Variants in FSD1L observed in about 807,000 individuals in gnomAD.
The protein encoded by FSD1L is FSD1-like protein.
A neutral mutation model predicts 71.6 loss-of-function variants in FSD1L; 45 were observed. The observed-to-expected ratio is 0.63, with a 90% CI of 0.49 to 0.81. The LOEUF (loss-of-function observed/expected upper bound fraction) is 0.81, where lower values mean the gene tolerates loss of function less well. Among genes scored for constraint, FSD1L ranks in the 30% least tolerant of loss-of-function variants. The probability of loss-of-function intolerance (pLI) is 0.00; values close to 1 mark genes in which losing one functional copy is unlikely to be tolerated. For synonymous variants in FSD1L, 197 were observed against 207.2 expected, an observed-to-expected ratio of 0.95 and a Z score of 0.42; for missense variants, 561 against 618.1, an observed-to-expected ratio of 0.91 and a Z score of 0.98.
At chr9:105,444,370 G>T (rs188677786), upstream of FSD1L, among the ~76,000 whole-genome samples, 1 of 152,258 alleles carries the variant, frequency 6.6e-6, no homozygotes, top group Non-Finnish European at 1.5e-5. Context: ...CTCACTGAAG[G>T]CTACGTTGCT....
chr9:105,537,905 G>A (rs16924704), intron 12 of FSD1L, among the ~76,000 whole-genome samples: 4,028 of 152,234 alleles, frequency 0.026, 170 homozygotes, highest in African/African-American at 0.091. Context: ...AATTAAGAAT[G>A]GATTTGACAG....
chr9:105,505,295 C>G (rs985871203), intron 7 of FSD1L, among the ~76,000 whole-genome samples: 2 of 152,202 alleles, frequency 1.3e-5, no homozygotes, highest in African/African-American at 4.8e-5. Context: ...GAGTCTCGCT[C>G]TGTTGCCCAG....
intron 7 of FSD1L, among the ~76,000 whole-genome samples, chr9:105,486,947 G>A (rs548986701): frequency 6.6e-6 from 1 of 152,180 alleles, no homozygotes; most frequent in Non-Finnish European, 1.5e-5. Context: ...TCATCATATA[G>A]ACAGAATCAT....
chr9:105,476,639 T>A (rs930472204), intron 5 of FSD1L, among the ~76,000 whole-genome samples: 1 of 152,200 alleles, frequency 6.6e-6, no homozygotes, highest in Non-Finnish European at 1.5e-5. Context: ...ACTCTTTAGA[T>A]CTTCTATTGA....
At chr9:105,542,664 C>G (rs1417817726) in intron 13 of FSD1L, among the ~76,000 whole-genome samples, 1 of 152,164 alleles carries the variant, frequency 6.6e-6, no homozygotes, top group African/African-American at 2.4e-5. Context: ...CTATATTGCC[C>G]AGGCTGGTCT....
Position 105,484,392 on chromosome 9 carries a change from C to A in FSD1L, c.476C>A (p.Ala159Asp). The change falls in exon 7 of 14, where the codon GCT becomes GAT. Residue 159 changes from alanine to aspartate, a missense_variant. This residue lies in a region of FSD1L where 410 missense variants were observed against 413.5 expected (regional missense o/e 0.99). Transcript: ENST00000481272. The stretch of plus-strand genomic sequence containing the variant: ...TGTGTTTACCGTAGAGTCACAATGG[C>A]TTCAGCCTTTCGCCTTTCTTTGAAA... ...ARQIKDRVTM[A>D]SAFRLSLKPK... 2 of 1,521,258 alleles carry A rather than the reference C, an allele frequency of 1.3e-6. No individual in the cohort carries two copies. The highest frequency in any genetic ancestry group is 1.3e-5 in the South Asian group (1 of 77,100). The allele number at this position is 1,521,258 out of a possible 1,614,324, so 94.2% of individuals were successfully genotyped here. A position where few individuals can be genotyped will look rare whatever the true frequency, so the allele number is the denominator to read the frequency against.
At chr9:105,498,326 A>G (rs1393835960) in intron 7 of FSD1L, among the ~76,000 whole-genome samples, 2 of 151,834 alleles carry the variant, frequency 1.3e-5, no homozygotes, top group Non-Finnish European at 1.5e-5. Flanking sequence ...AAGAAATGTG[A>G]TGTTTGGCAA....
chr9:105,516,186 G>A (rs112903282), intron 10 of FSD1L, among the ~76,000 whole-genome samples: 2 of 152,300 alleles, frequency 1.3e-5, no homozygotes, highest in South Asian at 2.1e-4. Flanking sequence ...AGGCACCAGC[G>A]TCAGTCAGGG....
Position 105,448,094 on chromosome 9 carries a change from GGCCGGGCGGT to G in FSD1L, c.-121_-112del, listed in dbSNP as rs1415722021. Reference sequence around the variant, plus strand: ...GCGCGGTCTGGGCGCGGACGGGTGGGGCCGGGCGGTGCCGGTGCGGGCTGGGGCAGTGCAG... The same window carrying G: ...GCGCGGTCTGGGCGCGGACGGGTGGGGCCGGTGCGGGCTGGGGCAGTGCAG... On this transcript the variant is annotated 5_prime_UTR_variant, in exon 1 of 14. Coordinates refer to ENST00000481272, the MANE Select transcript of FSD1L (RefSeq NM_001145313.3). 9 of 1,100,000 alleles carry G rather than the reference GGCCGGGCGGT, an allele frequency of 8.2e-6. No homozygotes were observed. The highest frequency in any genetic ancestry group is 1.2e-5 in the Non-Finnish European group (9 of 749,418). The allele number at this position is 1,100,000 out of a possible 1,614,324, so 68.1% of individuals were successfully genotyped here.
At chr9:105,544,921 G>T (rs1013548009) in intron 13 of FSD1L, among the ~76,000 whole-genome samples, 1 of 152,022 alleles carries the variant, frequency 6.6e-6, no homozygotes, top group Non-Finnish European at 1.5e-5. Flanking sequence ...CTCTTTTTTG[G>T]TTCCATATTA....
rs570915471 is a variant in FSD1L, at chr9:105,491,992, A to G, written c.586+7490A>G. Among the ~76,000 whole-genome samples the G allele has an allele frequency of 7.9e-3, 1,209 of 152,102 alleles. 12 individuals are homozygous for G. Among genetic ancestry groups the G allele is most frequent in the Middle Eastern group, 0.02 (6 of 294 alleles). ...GGTTGTGTCTCTGCCCGGCTTTGGT[A>G]TCAGGATGATGCTGGCCTCGTAAAA... is the stretch of plus-strand genomic sequence containing the variant. On this transcript the variant is annotated intron_variant, in intron 7 of 13. Transcript: ENST00000481272.
chr9:105,529,419 TAC>T (rs1286252775), intron 10 of FSD1L, among the ~76,000 whole-genome samples: 8 of 152,120 alleles, frequency 5.3e-5, no homozygotes, highest in Non-Finnish European at 8.8e-5. Flanking sequence ...GTGGCACATA[TAC>T]ACCATGGAAT....
intron 3 of FSD1L, among the ~76,000 whole-genome samples, chr9:105,466,854 T>C (rs1831115866): frequency 6.6e-6 from 1 of 152,142 alleles, no homozygotes; most frequent in African/African-American, 2.4e-5. Flanking sequence ...AGATCTTATG[T>C]AGAGCTAGCT....
intron 1 of FSD1L, among the ~76,000 whole-genome samples, chr9:105,459,650 T>C (rs1015890795): frequency 6.6e-6 from 1 of 152,242 alleles, no homozygotes; most frequent in Non-Finnish European, 1.5e-5. Context: ...CTGTATTAGC[T>C]AACAAGGTCA....
At chr9:105,519,270 T>TA (rs199565803) in intron 10 of FSD1L, among the ~76,000 whole-genome samples, 2 of 151,580 alleles carry the variant, frequency 1.3e-5, no homozygotes, top group Non-Finnish European at 2.9e-5. Flanking sequence ...TTCCAAACAA[T>TA]AAAAAAAGAC....
At position 105,512,882 on chromosome 9, in the gene FSD1L, C is replaced by T; in HGVS notation, c.971C>T (p.Pro324Leu). 6.5e-7 allele frequency: 1 copy of T among 1,541,962 alleles called. No individual in the cohort carries two copies. Among genetic ancestry groups the T allele is most frequent in the Non-Finnish European group, 8.8e-7 (1 of 1,142,396 alleles). ...KVEDTCVEWDPTGGKGQESKI... is the reference protein window; with the variant it reads ...KVEDTCVEWDLTGGKGQESKI... ...GAAGATACATGTGTAGAGTGGGATC[C>T]TACTGGAGGAAAAGGTCAAGAAAGT... is the stretch of plus-strand genomic sequence containing the variant. The change falls in exon 10 of 14, where the codon CCT (proline) becomes CTT (leucine). Residue 324 changes from proline (P) to leucine (L), a missense_variant. Around this residue, in one of 3 missense-constraint regions of FSD1L, gnomAD observed 410 missense variants for 413.5 expected, o/e 0.99. Coordinates refer to ENST00000481272, the MANE Select transcript of FSD1L (RefSeq NM_001145313.3).
chr9:105,490,268 T>A (rs976615408), intron 7 of FSD1L, among the ~76,000 whole-genome samples: 4 of 152,204 alleles, frequency 2.6e-5, no homozygotes, highest in Non-Finnish European at 5.9e-5. Context: ...ATGGTGAGCA[T>A]TTTTTCATGT....
chr9:105,447,985 T>C (rs1829720567), upstream of FSD1L: 1 of 548,214 alleles, frequency 1.8e-6, no homozygotes, highest in East Asian at 3.5e-5. Flanking sequence ...AGTCAGCCGC[T>C]GCGCGCAGGC....
In FSD1L at chr9:105,514,113, G is replaced by T. The variant is rs115462663; in HGVS notation, c.1025+1177G>T. On this transcript the variant is annotated intron_variant, in intron 10 of 13. Transcript: ENST00000481272. The stretch of plus-strand genomic sequence containing the variant: ...TCAAGACAGTTCCAGAAAGATGAAT[G>T]GTTTCAATTTGCATGAGTAATAATG... 9.2e-3 allele frequency among the ~76,000 whole-genome samples: 1,400 copies of T among 152,260 alleles called. 22 individuals carry two copies. The highest frequency in any genetic ancestry group is 0.032 in the African/African-American group (1,341 of 41,552).
Sources: allele counts gnomAD v4.1 joint callset (sites outside exome capture counted in the v4.1 genomes callset), GRCh38; gene constraint gnomAD v4.1.1; regional missense constraint gnomAD v4.1.1; transcripts MANE v1.5; gene names NCBI Gene and HGNC (gene_info 2026-07-23, HGNC 2026-07-21).